The following UGGT2 variants were observed in gnomAD, a reference collection of about 807,000 sequenced individuals.
UGGT2 encodes the protein UDP-glucose glycoprotein glucosyltransferase 2.
Under a neutral mutation model 192.1 loss-of-function variants are expected in UGGT2, and 180 were observed. The observed-to-expected ratio is 0.94, with a 90% CI of 0.83 to 1.06. UGGT2 has a LOEUF of 1.06. Ranked by LOEUF, UGGT2 falls within the 50% of genes least tolerant of loss-of-function variation. The probability of loss-of-function intolerance (pLI) is 0.00; values close to 1 mark genes in which losing one functional copy is unlikely to be tolerated. For synonymous variants in UGGT2, 580 were observed against 591.0 expected, an observed-to-expected ratio of 0.98 and a Z score of 0.27; for missense variants, 1,849 against 1,795.7, an observed-to-expected ratio of 1.03 and a Z score of -0.54.
intron 15 of UGGT2, among the ~76,000 whole-genome samples, chr13:95,943,468 C>T (rs944688578): frequency 2.0e-5 from 3 of 151,814 alleles, no homozygotes; most frequent in African/African-American, 4.8e-5. Context: ...ATGTAGGAGT[C>T]ATTACAGAAA....
intron 38 of UGGT2, among the ~76,000 whole-genome samples, chr13:95,808,146 A>T (rs568571928): frequency 6.6e-6 from 1 of 152,164 alleles, no homozygotes; most frequent in Admixed American, 6.5e-5. Flanking sequence ...CAGGCAACAT[A>T]CTTCCTGATC....
At chr13:95,937,157 G>A in intron 16 of UGGT2, 69 bp from the exon 17 acceptor site, 2 of 1,479,374 alleles carry the variant, frequency 1.4e-6, no homozygotes, top group South Asian at 1.3e-5. Context: ...ATAAGAAAAT[G>A]GAACACCGCC....
chr13:95,816,041 C>T (rs775664236), intron 38 of UGGT2, among the ~76,000 whole-genome samples: 1 of 152,146 alleles, frequency 6.6e-6, no homozygotes, highest in Admixed American at 6.6e-5. Context: ...CTTTGCCTTC[C>T]ACCATGAATA....
At chr13:95,964,493 G>GA (rs544847400) in intron 12 of UGGT2, among the ~76,000 whole-genome samples, 10 of 151,714 alleles carry the variant, frequency 6.6e-5, no homozygotes, top group South Asian at 4.2e-4. Flanking sequence ...CACAGCAAAG[G>GA]AAAAAAAATC....
intron 1 of UGGT2, among the ~76,000 whole-genome samples, chr13:96,049,276 C>G (rs2053414834): frequency 6.6e-6 from 1 of 152,208 alleles, no homozygotes; most frequent in Non-Finnish European, 1.5e-5. Flanking sequence ...TGACAAAATT[C>G]AACAGCCCTT....
At chr13:95,838,070 G>GA (rs1887496178) in intron 36 of UGGT2, among the ~76,000 whole-genome samples, 1 of 151,972 alleles carries the variant, frequency 6.6e-6, no homozygotes, top group Admixed American at 6.6e-5. Flanking sequence ...AGAATCAAGG[G>GA]AAAAAACTTC....
chr13:95,857,290 A>G lies in UGGT2; in HGVS notation c.3826-950T>C, dbSNP rs531077834. ...AAAGAATATTTTTTCTTCATTAAAT[A>G]TGTGTCCAAATATTCACTGAAACGG... is the stretch of plus-strand genomic sequence containing the variant. On this transcript the variant is annotated intron_variant, in intron 33 of 38. Transcript: ENST00000376747. Among the ~76,000 whole-genome samples the G allele has an allele frequency of 5.3e-5, 8 of 152,262 alleles. No individual in the cohort carries two copies. The East Asian group carries it at 1.5e-3, about 29-fold the overall frequency.
chr13:96,016,563 T>C (rs945918491), intron 4 of UGGT2, among the ~76,000 whole-genome samples: 1 of 152,166 alleles, frequency 6.6e-6, no homozygotes, highest in African/African-American at 2.4e-5. Flanking sequence ...TTATACATGG[T>C]CTCATGTCTG....
intron 5 of UGGT2, among the ~76,000 whole-genome samples, chr13:96,004,380 T>C (rs2051903919): frequency 6.6e-6 from 1 of 152,070 alleles, no homozygotes; most frequent in Non-Finnish European, 1.5e-5. Context: ...ATTTTTGAAG[T>C]CAGGGAGACA....
intron 4 of UGGT2, among the ~76,000 whole-genome samples, chr13:96,019,705 C>T (rs1365573911): frequency 6.6e-6 from 1 of 152,174 alleles, no homozygotes; most frequent in African/African-American, 2.4e-5. Context: ...CTGTAGTCTT[C>T]CAAGTGGCAG....
At chr13:95,969,947 A>T (rs1422752528) in intron 12 of UGGT2, among the ~76,000 whole-genome samples, 165 bp downstream of exon 12, 3 of 152,200 alleles carry the variant, frequency 2.0e-5, no homozygotes, top group African/African-American at 7.2e-5. Context: ...AAGGAGAAGG[A>T]AGCTGCAAGT....
chr13:96,025,388 TAATG>T (rs1370239774), intron 2 of UGGT2, among the ~76,000 whole-genome samples: 1 of 152,136 alleles, frequency 6.6e-6, no homozygotes, highest in Non-Finnish European at 1.5e-5. Context: ...TGCTGCCTAT[TAATG>T]AAGAGAAGAA....
intron 10 of UGGT2, among the ~76,000 whole-genome samples, chr13:95,978,175 A>C (rs1337510392): frequency 6.6e-6 from 1 of 152,140 alleles, no homozygotes; most frequent in African/African-American, 2.4e-5. Context: ...TGTATCCCAG[A>C]ACTTAAAGTA....
intron 1 of UGGT2, among the ~76,000 whole-genome samples, chr13:96,034,074 C>T (rs2052923190): frequency 6.6e-6 from 1 of 152,136 alleles, no homozygotes; most frequent in Non-Finnish European, 1.5e-5. Context: ...AGTCAGCACA[C>T]ACTTACCCCC....
chr13:96,031,844 T>C (rs200053044), intron 2 of UGGT2, 45 bp downstream of exon 2: 12 of 1,400,244 alleles, frequency 8.6e-6, no homozygotes, highest in Non-Finnish European at 1.1e-5. Context: ...ACAATGTGTG[T>C]ACATAAATAC....
chr13:95,907,608 G>A (rs2048334475), intron 20 of UGGT2, among the ~76,000 whole-genome samples: 2 of 152,186 alleles, frequency 1.3e-5, no homozygotes, highest in Admixed American at 1.3e-4. Context: ...CAGGCAAAAA[G>A]GATTTGCAGC....
intron 20 of UGGT2, among the ~76,000 whole-genome samples, chr13:95,910,585 A>C (rs1036213062): frequency 2.0e-5 from 3 of 152,222 alleles, no homozygotes; most frequent in Non-Finnish European, 4.4e-5. Context: ...CCAGATTCAT[A>C]AAGCAAGTCC....
chr13:96,044,413 G>A (rs944239992), intron 1 of UGGT2, among the ~76,000 whole-genome samples: 4 of 152,102 alleles, frequency 2.6e-5, no homozygotes, highest in Non-Finnish European at 5.9e-5. Context: ...AAGTCTGAAG[G>A]TGCACAGACA....
intron 15 of UGGT2, among the ~76,000 whole-genome samples, chr13:95,940,748 T>C (rs535782540): frequency 8.7e-5 from 13 of 149,244 alleles, no homozygotes; most frequent in East Asian, 1.9e-4. Flanking sequence ...TGCCACCACA[T>C]CTGGATAAAT....
Sources: allele counts gnomAD v4.1 joint callset (sites outside exome capture counted in the v4.1 genomes callset), GRCh38; gene constraint gnomAD v4.1.1; transcripts MANE v1.5; gene names NCBI Gene and HGNC (gene_info 2026-07-23, HGNC 2026-07-21).